The following MTUS2 variants were observed in gnomAD, a reference collection of about 807,000 sequenced individuals.
MTUS2 encodes the protein microtubule-associated tumor suppressor candidate 2.
In MTUS2, 40 loss-of-function variants were observed where a neutral mutation model predicts 114.1. The observed-to-expected ratio is 0.35, with a 90% CI of 0.27 to 0.46. The LOEUF is 0.46. Among genes scored for constraint, MTUS2 ranks in the 20% least tolerant of loss-of-function variants. MTUS2 has a pLI of 1.00. For synonymous variants in MTUS2, 688 were observed against 672.0 expected (o/e 1.02, Z -0.37); for missense variants, 1,679 against 1,705.4 (o/e 0.98, Z 0.27).
chr13:28,928,883 A>G (rs1036435846), intron 2 of MTUS2, among the ~76,000 whole-genome samples: 2 of 152,188 alleles, frequency 1.3e-5, no homozygotes, highest in African/African-American at 4.8e-5. Flanking sequence ...TATGTATATC[A>G]CCTGGAGCCC....
intron 2 of MTUS2, among the ~76,000 whole-genome samples, chr13:28,977,143 C>A (rs999823088): frequency 1.3e-5 from 2 of 152,040 alleles, no homozygotes; most frequent in African/African-American, 4.8e-5. Context: ...GTAGGTTTAT[C>A]TGGTGGGGTC....
intron 2 of MTUS2, among the ~76,000 whole-genome samples, chr13:28,853,833 G>C (rs1876455714): frequency 6.6e-6 from 1 of 152,206 alleles, no homozygotes; most frequent in African/African-American, 2.4e-5. Flanking sequence ...TATATAAGAA[G>C]TTGGCCAAGG....
chr13:29,160,708 T>G (rs1466775680), intron 5 of MTUS2, among the ~76,000 whole-genome samples: 1 of 151,704 alleles, frequency 6.6e-6, no homozygotes, highest in Non-Finnish European at 1.5e-5. Context: ...AGGCAGAGCT[T>G]GCAGTGAGCT....
At chr13:29,497,459 C>A in intron 13 of MTUS2, 123 bp downstream of exon 13, 1 of 780,530 alleles carries the variant, frequency 1.3e-6, no homozygotes, top group Non-Finnish European at 2.2e-6. Context: ...GAAGTGACAG[C>A]TGGTCACGAC....
chr13:28,939,171 C>G (rs992698573), intron 2 of MTUS2, among the ~76,000 whole-genome samples: 4 of 152,182 alleles, frequency 2.6e-5, no homozygotes, highest in African/African-American at 9.7e-5. Flanking sequence ...GCTCAGTTTT[C>G]TCTTTTGGGC....
chr13:29,259,003 A>C (rs1359972214), intron 5 of MTUS2, among the ~76,000 whole-genome samples: 1 of 152,268 alleles, frequency 6.6e-6, no homozygotes, highest in Non-Finnish European at 1.5e-5. Context: ...GTGCTTCAGC[A>C]TATCAACCTT....
At chr13:29,036,475 T>A (rs1219796063) in intron 4 of MTUS2, among the ~76,000 whole-genome samples, 2 of 152,234 alleles carry the variant, frequency 1.3e-5, no homozygotes, top group African/African-American at 4.8e-5. Context: ...CTGAGAAGAA[T>A]GTATATTCTA....
chr13:29,425,712 A>G (rs186317762), intron 8 of MTUS2, among the ~76,000 whole-genome samples: 16 of 152,338 alleles, frequency 1.1e-4, no homozygotes, highest in Non-Finnish European at 2.4e-4. Flanking sequence ...TACAACATGA[A>G]TACATTTCTC....
At position 29,353,052 on chromosome 13, in the gene MTUS2, T is replaced by C. The variant is rs4340164; in HGVS notation, c.2906-6210T>C. On this transcript the variant is annotated intron_variant, in intron 7 of 15. Transcript: ENST00000612955. ...TGTTATCTGTGTCATTTTTTGTCAG[T>C]TTCAATTGATTGCATCTTCTCATTA... is the stretch of plus-strand genomic sequence containing the variant. Among the ~76,000 whole-genome samples, 629 of 152,358 alleles carry C rather than the reference T, an allele frequency of 4.1e-3. 3 individuals carry two copies. The highest frequency in any genetic ancestry group is 0.014 in the African/African-American group (576 of 41,576).
At chr13:29,244,347 A>G (rs1471742260) in intron 5 of MTUS2, among the ~76,000 whole-genome samples, 4 of 152,162 alleles carry the variant, frequency 2.6e-5, no homozygotes, top group Non-Finnish European at 5.9e-5. Flanking sequence ...TTTTGTCTAG[A>G]ATGGGCTCAG....
chr13:28,871,942 C>G (rs1159478830), intron 2 of MTUS2, among the ~76,000 whole-genome samples: 1 of 152,008 alleles, frequency 6.6e-6, no homozygotes, highest in Non-Finnish European at 1.5e-5. Context: ...TTGGCCAGAC[C>G]AGGAGGGAGG....
intron 9 of MTUS2, among the ~76,000 whole-genome samples, chr13:29,463,070 G>A (rs974425137): frequency 1.3e-5 from 2 of 152,184 alleles, no homozygotes; most frequent in African/African-American, 4.8e-5. Flanking sequence ...AAGAAGGTGT[G>A]AGGATGGAAG....
intron 4 of MTUS2, among the ~76,000 whole-genome samples, chr13:29,050,743 A>G (rs1295992716): frequency 3.9e-5 from 6 of 152,358 alleles, no homozygotes; most frequent in Non-Finnish European, 8.8e-5. Context: ...CTTTGAGAAT[A>G]TGCCATGTTG....
At chr13:28,848,055 CTA>C (rs760626081) in intron 2 of MTUS2, among the ~76,000 whole-genome samples, 10 of 152,192 alleles carry the variant, frequency 6.6e-5, no homozygotes, top group Non-Finnish European at 1.5e-4. Flanking sequence ...GTCCCACACT[CTA>C]TGTTTTATCC....
rs762771054 is a variant in MTUS2 at position 29,217,101 on chromosome 13, C to T, written c.2645-64603C>T. ...TTTAGTTGAATTTTTCTGTAGACCT[C>T]TACTCAACCCCAATGTCCTCTTTCA... On this transcript the variant is annotated intron_variant, in intron 5 of 15. Transcript: ENST00000612955. Among the ~76,000 whole-genome samples, 170 of 152,210 alleles carry T rather than the reference C, an allele frequency of 1.1e-3. 1 individual carries two copies. Among genetic ancestry groups the T allele is most frequent in the Non-Finnish European group, 1.4e-3 (96 of 68,038 alleles).
rs184096103 is a variant in MTUS2, at chr13:29,257,254, G to A, written c.2645-24450G>A. ...TTTATTGAAAACTTGCGGTGGCTTC[G>A]TGTTGCCTTCAGAATGGAGTCCAAA... On this transcript the variant is annotated intron_variant, in intron 5 of 15. Transcript: ENST00000612955. Among the ~76,000 whole-genome samples, 129 of 152,224 alleles carry A rather than the reference G, an allele frequency of 8.5e-4. No individual in the cohort carries two copies. The Middle Eastern group carries it at 0.02, about 24-fold the overall frequency.
chr13:29,375,425 G>T (rs534609705), intron 8 of MTUS2, among the ~76,000 whole-genome samples: 4 of 116,364 alleles, frequency 3.4e-5, no homozygotes, highest in Non-Finnish European at 7.3e-5. Context: ...ACTTTTAATG[G>T]CAAAAACCGC....
intron 8 of MTUS2, among the ~76,000 whole-genome samples, chr13:29,378,225 A>C (rs1871902492): frequency 6.6e-6 from 1 of 152,172 alleles, no homozygotes; most frequent in South Asian, 2.1e-4. Flanking sequence ...AGCCCTATAC[A>C]CAAAAAAGTC....
At chr13:29,492,032 A>AGT (rs1221434571) in intron 11 of MTUS2, among the ~76,000 whole-genome samples, 1 of 28,316 alleles carries the variant, frequency 3.5e-5, no homozygotes, top group Non-Finnish European at 8.2e-5. Context: ...GTGTGTGTGT[A>AGT]GTGTGTGTGT....
Sources: gnomAD v4.1 joint callset for allele counts (sites outside exome capture counted in the v4.1 genomes callset) on GRCh38, gnomAD v4.1.1 for gene constraint, MANE v1.5 for transcripts, NCBI Gene and HGNC (gene_info 2026-07-23, HGNC 2026-07-21) for gene names.